The following CNBD1 variants were observed in gnomAD, a reference collection of about 807,000 sequenced individuals.
CNBD1 encodes the protein cyclic nucleotide-binding domain-containing protein 1.
Under a neutral mutation model 54.4 loss-of-function variants are expected in CNBD1, and 71 were observed. The observed-to-expected ratio is 1.30, with a 90% CI of 1.08 to 1.59. The LOEUF (loss-of-function observed/expected upper bound fraction) is 1.59. Among genes scored for constraint, CNBD1 ranks in the 40% most tolerant of loss-of-function variants. CNBD1 has a pLI of 0.00. For missense variants in CNBD1, 659 were observed against 518.0 expected, an observed-to-expected ratio of 1.27 and a Z score of -2.64; for synonymous variants, 182 against 170.7, an observed-to-expected ratio of 1.07 and a Z score of -0.51.
chr8:87,286,602 G>T lies in CNBD1; in HGVS notation c.973G>T (p.Glu325Ter), dbSNP rs1288643413. The T allele has an allele frequency of 6.7e-7, 1 of 1,501,440 alleles. No homozygotes were observed. The highest frequency in any genetic ancestry group is 9.1e-7 in the Non-Finnish European group (1 of 1,100,186). The allele number at this position is 1,501,440 out of a possible 1,614,324, so 93.0% of individuals were successfully genotyped here. A position where few individuals can be genotyped will look rare whatever the true frequency, so the allele number is the denominator to read the frequency against. ...AATCCGTATGTGTCCTTATTATGAGGAATGGCCTACTTTATCCATATATGA... is the reference window on the plus strand; with the variant it reads ...AATCCGTATGTGTCCTTATTATGAGTAATGGCCTACTTTATCCATATATGA... Reference protein sequence around the residue: ...KLIRMCPYYEEWPTLSIYELI... With the variant: ...KLIRMCPYYE Residue 325 changes from glutamate to a stop codon, truncating the protein, a stop_gained, in exon 8 of 11, where the codon GAA becomes TAA. Transcript: ENST00000518476. LOFTEE classifies it high-confidence loss of function.
At chr8:87,121,742 C>T (rs937025029) in intron 4 of CNBD1, among the ~76,000 whole-genome samples, 3 of 151,678 alleles carry the variant, frequency 2.0e-5, no homozygotes, top group South Asian at 4.1e-4. Context: ...TCTTAGATTT[C>T]ACATATAAGT....
intron 4 of CNBD1, among the ~76,000 whole-genome samples, chr8:86,967,325 C>T (rs1488800496): frequency 2.0e-5 from 3 of 152,260 alleles, no homozygotes; most frequent in Admixed American, 1.3e-4. Flanking sequence ...CTCGGATACA[C>T]AGCTGCAGTT....
chr8:86,900,368 A>G (rs922392762), intron 2 of CNBD1, among the ~76,000 whole-genome samples: 5 of 152,190 alleles, frequency 3.3e-5, no homozygotes, highest in Non-Finnish European at 7.3e-5. Flanking sequence ...TCTCATAACT[A>G]GATTTTTTCA....
chr8:87,413,994 C>G (rs574567991), intron 2 of CNBD1, among the ~76,000 whole-genome samples: 4 of 151,992 alleles, frequency 2.6e-5, no homozygotes, highest in Non-Finnish European at 5.9e-5. Context: ...GCTAGAAATA[C>G]CATTTGACCC....
chr8:86,925,490 T>A (rs1469494715), intron 3 of CNBD1, among the ~76,000 whole-genome samples: 1 of 58,116 alleles, frequency 1.7e-5, no homozygotes, highest in Admixed American at 1.5e-4. Context: ...AAAGTGTGTG[T>A]GTGTGTGTGT....
intron 4 of CNBD1, among the ~76,000 whole-genome samples, chr8:87,171,596 A>T (rs1225119853): frequency 1.3e-5 from 2 of 151,694 alleles, no homozygotes; most frequent in Non-Finnish European, 2.9e-5. Flanking sequence ...TTTAAGATAC[A>T]TCACTAGGTT....
At chr8:87,298,477 C>T (rs1212771805) in intron 8 of CNBD1, among the ~76,000 whole-genome samples, 1 of 145,040 alleles carries the variant, frequency 6.9e-6, no homozygotes, top group Non-Finnish European at 1.5e-5. Context: ...GCCTTGGTTT[C>T]TTTTTTCCCT....
At chr8:87,306,714 G>T (rs1308439646) in intron 8 of CNBD1, among the ~76,000 whole-genome samples, 1 of 151,984 alleles carries the variant, frequency 6.6e-6, no homozygotes. Flanking sequence ...TAAGCTATGA[G>T]GACACAAAGG....
chr8:87,377,873 T>G (rs1245506335), intron 10 of CNBD1, among the ~76,000 whole-genome samples: 1 of 151,472 alleles, frequency 6.6e-6, no homozygotes, highest in Non-Finnish European at 1.5e-5. Context: ...TATCTCACTG[T>G]GGTTTCGATT....
intron 4 of CNBD1, among the ~76,000 whole-genome samples, chr8:87,126,476 T>C (rs1178265696): frequency 1.3e-5 from 2 of 152,054 alleles, no homozygotes; most frequent in South Asian, 2.1e-4. Flanking sequence ...TCAAATCTTA[T>C]GTCCATTTGT....
intron 5 of CNBD1, among the ~76,000 whole-genome samples, chr8:87,209,993 G>A (rs947999667): frequency 3.3e-5 from 5 of 152,088 alleles, no homozygotes; most frequent in Non-Finnish European, 5.9e-5. Context: ...AGTTCTCATG[G>A]GATCTGATGG....
At chr8:87,093,321 T>A (rs117251589) in intron 4 of CNBD1, among the ~76,000 whole-genome samples, 1,591 of 152,246 alleles carry the variant, frequency 0.01, 18 homozygotes, top group Middle Eastern at 0.027. Flanking sequence ...AGGAGATGAA[T>A]AAGTAGCATG....
chr8:86,992,016 C>T (rs1224651549), intron 4 of CNBD1, among the ~76,000 whole-genome samples: 1 of 152,034 alleles, frequency 6.6e-6, no homozygotes, highest in African/African-American at 2.4e-5. Context: ...CTGTAGATAT[C>T]CATTTTGTCC....
At chr8:87,086,716 A>G (rs1811103069) in intron 4 of CNBD1, among the ~76,000 whole-genome samples, 1 of 152,192 alleles carries the variant, frequency 6.6e-6, no homozygotes, top group Admixed American at 6.5e-5. Context: ...GTGATTATTT[A>G]CTGAAAATAC....
At chr8:87,389,444 T>G (rs950422664) in intron 2 of CNBD1, among the ~76,000 whole-genome samples, 2 of 152,108 alleles carry the variant, frequency 1.3e-5, no homozygotes, top group Non-Finnish European at 2.9e-5. Flanking sequence ...ACAAGCATTC[T>G]TATACACCAA....
chr8:87,275,724 G>A (rs1366699276), intron 6 of CNBD1, among the ~76,000 whole-genome samples: 2 of 150,806 alleles, frequency 1.3e-5, no homozygotes, highest in African/African-American at 2.4e-5. Context: ...TCTGGCCAGG[G>A]CAATTAGGCA....
At chr8:87,416,518 A>T (rs1211705571) in intron 2 of CNBD1, among the ~76,000 whole-genome samples, 2 of 152,140 alleles carry the variant, frequency 1.3e-5, no homozygotes, top group East Asian at 3.9e-4. Context: ...GGAAACTGGA[A>T]GTGTGACAGT....
intron 4 of CNBD1, among the ~76,000 whole-genome samples, chr8:87,030,733 G>A (rs1317889167): frequency 6.6e-6 from 1 of 151,992 alleles, no homozygotes; most frequent in Non-Finnish European, 1.5e-5. Context: ...GATTCAGCTA[G>A]AACTCAGGAT....
At chr8:87,354,024 G>A (rs1057495545) in intron 10 of CNBD1, 9 of 317,188 alleles carry the variant, frequency 2.8e-5, no homozygotes, top group South Asian at 1.0e-4. Context: ...AGAAAGAGGT[G>A]AGGACTTGAT....
Sources: gnomAD v4.1 joint callset for allele counts (sites outside exome capture counted in the v4.1 genomes callset) on GRCh38, gnomAD v4.1.1 for gene constraint, MANE v1.5 for transcripts, NCBI Gene and HGNC (gene_info 2026-07-23, HGNC 2026-07-21) for gene names.